Variants in ZNF317 observed in about 807,000 individuals in gnomAD.
ZNF317 encodes zinc finger protein 317, also known as KRAB-containing zinc finger protein 317.
A neutral mutation model predicts 23.4 loss-of-function variants in ZNF317; 17 were observed. That is an observed-to-expected ratio of 0.73 (90% CI 0.50 to 1.09). The LOEUF (loss-of-function observed/expected upper bound fraction) is 1.09, where lower values mean the gene tolerates loss of function less well. Ranked by LOEUF, ZNF317 falls within the 50% of genes least tolerant of loss-of-function variation. ZNF317 has a pLI of 0.00. For synonymous variants in ZNF317, 317 were observed against 314.9 expected (o/e 1.01, Z -0.07); for missense variants, 679 against 796.7 (o/e 0.85, Z 1.78).
rs924520687 is a variant in ZNF317, at chr19:9,159,559, T to G, written c.469-555T>G. Among the ~76,000 whole-genome samples the G allele has an allele frequency of 1.4e-4, 21 of 151,310 alleles. No homozygotes were observed. In the South Asian group the frequency reaches 2.3e-3, roughly 16 times the overall value. ...TTGTTGTTTTTGTTTTTTGTTTTTT[T>G]TTTTGAGGCACAGTCTTGCTCTTGT... On this transcript the variant is annotated intron_variant, in intron 6 of 6. Transcript: ENST00000247956.
At chr19:9,154,915 A>C (rs772592161) in intron 1 of ZNF317, among the ~76,000 whole-genome samples, 41 of 152,250 alleles carry the variant, frequency 2.7e-4, no homozygotes, top group Admixed American at 4.6e-4. Flanking sequence ...TTCTAGTTTT[A>C]ATTTGCATTT....
chr19:9,161,665 G>A lies in ZNF317; in HGVS notation c.*232G>A, dbSNP rs773399756. On this transcript the variant is annotated 3_prime_UTR_variant, in exon 7 of 7. Coordinates refer to ENST00000247956, the MANE Select transcript of ZNF317 (RefSeq NM_020933.5). This position sits in a 1 kb window ranked among gnomAD's most constrained non-coding sequence, Gnocchi z 4.0. ...CGTCTGTAGCATGGAGAAGCCTTCA[G>A]GGTACATTCAGCTCTTAACAAACAC... is the stretch of plus-strand genomic sequence containing the variant. 9.2e-6 allele frequency: 5 copies of A among 540,756 alleles called. No homozygotes were observed. The highest frequency in any genetic ancestry group is 1.6e-5 in the Non-Finnish European group (5 of 311,248). 33.5% of individuals were successfully genotyped at this position (540,756 alleles called of 1,614,324 possible). A position where few individuals can be genotyped will look rare whatever the true frequency, so the allele number is the denominator to read the frequency against.
At chr19:9,151,223 C>CT (rs1414853604) in intron 1 of ZNF317, among the ~76,000 whole-genome samples, 1 of 152,124 alleles carries the variant, frequency 6.6e-6, no homozygotes, top group East Asian at 1.9e-4. Context: ...GGCACAATGA[C>CT]TAGAAAAGGG....
Position 9,161,396 on chromosome 19 carries a change from A to G in ZNF317, c.1751A>G (p.Lys584Arg). 6.2e-7 allele frequency: 1 copy of G among 1,613,934 alleles called. No individual in the cohort carries two copies. The highest frequency in any genetic ancestry group is 8.5e-7 in the Non-Finnish European group (1 of 1,179,828). ...CACGTGAAAACTCACCGGGGAGAGA[A>G]GCTCTTTGTGTCATCCGTGTGGAAA... is the stretch of plus-strand genomic sequence containing the variant. Reference protein sequence around the residue: ...RSHVKTHRGEKLFVSSVWKRL... With the variant: ...RSHVKTHRGERLFVSSVWKRL... Residue 584 changes from lysine (K) to arginine (R), a missense_variant, in exon 7 of 7, where the codon AAG becomes AGG. Lys to Arg is a conservative substitution (Grantham distance 26). Coordinates refer to ENST00000247956, the MANE Select transcript of ZNF317 (RefSeq NM_020933.5). The surrounding 1 kb of genome is among the most constrained non-coding windows in gnomAD (Gnocchi z 4.0).
In ZNF317 at chr19:9,160,720, G is replaced by C. The variant is rs1235407840; in HGVS notation, c.1075G>C (p.Glu359Gln). ...LKEHVRNHTG[E>Q]KPYACTQCGK... Reference sequence around the variant, plus strand: ...AGAGCACGTGAGGAATCACACGGGGGAGAAGCCCTACGCGTGCACGCAGTG... The same window carrying C: ...AGAGCACGTGAGGAATCACACGGGGCAGAAGCCCTACGCGTGCACGCAGTG... The change falls in exon 7 of 7, where the codon GAG becomes CAG. Residue 359 changes from glutamate to glutamine, a missense_variant. Transcript: ENST00000247956. The surrounding 1 kb of genome is among the most constrained non-coding windows in gnomAD (Gnocchi z 6.8). 6.2e-7 allele frequency: 1 copy of C among 1,614,068 alleles called. No homozygotes were observed. The highest frequency in any genetic ancestry group is 8.5e-7 in the Non-Finnish European group (1 of 1,180,040).
At position 9,157,695 on chromosome 19, in the gene ZNF317, T is replaced by TAA. The variant is rs1568314570; in HGVS notation, c.290-285_290-284insAA. The TAA allele has an allele frequency of 9.0e-5, 44 of 487,100 alleles. No individual in the cohort carries two copies. In the African/African-American group the frequency reaches 9.1e-4, roughly 10 times the overall value. 30.2% of individuals were successfully genotyped at this position (487,100 alleles called of 1,614,324 possible). ...ATTTCCTATTTCTTTTTTTTTTTTTTTTTTTTTATTTTTGGTGATGAAGGG... is the reference window on the plus strand; with the variant it reads ...ATTTCCTATTTCTTTTTTTTTTTTTTAATTTTTTTATTTTTGGTGATGAAGGG... On this transcript the variant is annotated intron_variant, in intron 4 of 6. Transcript: ENST00000247956.
chr19:9,142,789 AATTTGGAAAGGACATGTTACT>A (rs77100852), intron 1 of ZNF317, among the ~76,000 whole-genome samples: 75,762 of 151,648 alleles, frequency 0.5, 21,100 homozygotes, highest in African/African-American at 0.77. Context: ...ATTGGTAAAT[AATTTGGAAAGGACATGTTACT>A]ATTTGTTACT....
chr19:9,157,973 A>G lies in ZNF317; in HGVS notation c.290-7A>G, dbSNP rs774947645. On this transcript the variant is annotated splice_polypyrimidine_tract_variant and splice_region_variant and intron_variant, in intron 4 of 6. Transcript: ENST00000247956. ...TCCCTCAACCTGTGTCTTTCCCGTGAGTGTAGGGTATCAGGTCGGCAAACC... is the reference window on the plus strand; with the variant it reads ...TCCCTCAACCTGTGTCTTTCCCGTGGGTGTAGGGTATCAGGTCGGCAAACC... 3 of 1,550,792 alleles carry G rather than the reference A, an allele frequency of 1.9e-6. No individual in the cohort carries two copies. The highest frequency in any genetic ancestry group is 2.6e-6 in the Non-Finnish European group (3 of 1,146,686).
At chr19:9,159,767 G>A (rs1338904068) in intron 6 of ZNF317, among the ~76,000 whole-genome samples, 2 of 151,778 alleles carry the variant, frequency 1.3e-5, no homozygotes, top group Non-Finnish European at 2.9e-5. Flanking sequence ...GGCTGGTCTC[G>A]AACTCCTGAC....
At chr19:9,140,731 C>T (rs2050621225) in intron 1 of ZNF317, 139 bp downstream of exon 1, 1 of 356,750 alleles carries the variant, frequency 2.8e-6, no homozygotes, top group Non-Finnish European at 5.5e-6. Context: ...GTTTAGATCT[C>T]GCGATCAGCG....
At chr19:9,153,476 G>A (rs138988841) in intron 1 of ZNF317, among the ~76,000 whole-genome samples, 2 of 152,150 alleles carry the variant, frequency 1.3e-5, no homozygotes, top group African/African-American at 4.8e-5. Flanking sequence ...ACTGGTTTTT[G>A]TATGAGATGT....
chr19:9,149,866 G>A (rs2050720954), intron 1 of ZNF317, among the ~76,000 whole-genome samples: 1 of 152,222 alleles, frequency 6.6e-6, no homozygotes, highest in Admixed American at 6.5e-5. Flanking sequence ...TTAGGAAGCA[G>A]TTGGAATGTT....
chr19:9,153,731 G>A (rs1230384991), intron 1 of ZNF317, among the ~76,000 whole-genome samples: 1 of 152,168 alleles, frequency 6.6e-6, no homozygotes, highest in Non-Finnish European at 1.5e-5. Flanking sequence ...AGTTGTAGAG[G>A]AGCCGAGAAT....
chr19:9,156,795 G>A lies in ZNF317; in HGVS notation c.162+47G>A, dbSNP rs772603416. 3.1e-6 allele frequency: 5 copies of A among 1,596,478 alleles called. No homozygotes were observed. In the South Asian group the frequency reaches 5.6e-5, roughly 18 times the overall value. On this transcript the variant is annotated intron_variant, in intron 3 of 6. Coordinates refer to ENST00000247956, the MANE Select transcript of ZNF317 (RefSeq NM_020933.5). The stretch of plus-strand genomic sequence containing the variant: ...CCTAGAGCAGGAGAGGCACTTCCTG[G>A]AAGACCCCACCAGTGCATGCTGGAA...
At chr19:9,143,739 T>TCCC (rs34153792) in intron 1 of ZNF317, among the ~76,000 whole-genome samples, 3 of 144,216 alleles carry the variant, frequency 2.1e-5, no homozygotes, top group African/African-American at 7.8e-5. Context: ...TAGAATTCTG[T>TCCC]CCCCCCTTTT....
chr19:9,143,152 T>G (rs1002055905), intron 1 of ZNF317, among the ~76,000 whole-genome samples: 6 of 152,164 alleles, frequency 3.9e-5, no homozygotes, highest in African/African-American at 1.4e-4. Flanking sequence ...CCATCTGAGG[T>G]TTAAATCGTA....
Position 9,157,328 on chromosome 19 carries a change from G to A in ZNF317, c.223G>A (p.Asp75Asn), listed in dbSNP as rs1211674222. ...DFTEKEWPLL[D>N]SSQRKLYKDV... ...TACCGAGAAGGAGTGGCCCTTGCTGGATTCTTCTCAGAGAAAACTGTACAA... is the reference window on the plus strand; with the variant it reads ...TACCGAGAAGGAGTGGCCCTTGCTGAATTCTTCTCAGAGAAAACTGTACAA... Residue 75 changes from aspartate to asparagine, a missense_variant, in exon 4 of 7, where the codon GAT (aspartate) becomes AAT (asparagine). Transcript: ENST00000247956. The A allele has an allele frequency of 6.2e-7, 1 of 1,614,058 alleles. No homozygotes were observed. Among genetic ancestry groups the A allele is most frequent in the Non-Finnish European group, 8.5e-7 (1 of 1,179,982 alleles).
rs749827912 is a variant in ZNF317, at chr19:9,161,288, A to G, written c.1643A>G (p.His548Arg). 3 of 1,613,802 alleles carry G rather than the reference A, an allele frequency of 1.9e-6. No individual in the cohort carries two copies. Among genetic ancestry groups the G allele is most frequent in the Non-Finnish European group, 2.5e-6 (3 of 1,179,796 alleles). ...AFSIGSNLNV[H>R]RRIHTGEKPY... ...AGCATAGGCTCCAACCTGAATGTGCACAGGCGGATCCACACCGGGGAGAAG... is the reference window on the plus strand; with the variant it reads ...AGCATAGGCTCCAACCTGAATGTGCGCAGGCGGATCCACACCGGGGAGAAG... Residue 548 changes from histidine (H) to arginine (R), a missense_variant, in exon 7 of 7, where the codon CAC becomes CGC. Transcript: ENST00000247956. The surrounding 1 kb of genome is among the most constrained non-coding windows in gnomAD (Gnocchi z 4.0).
chr19:9,160,490 A>T lies in ZNF317; in HGVS notation c.845A>T (p.Gln282Leu). The T allele has an allele frequency of 6.2e-7, 1 of 1,614,206 alleles. No individual in the cohort carries two copies. The highest frequency in any genetic ancestry group is 8.5e-7 in the Non-Finnish European group (1 of 1,180,044). Residue 282 changes from glutamine to leucine, a missense_variant, in exon 7 of 7, where the codon CAG (glutamine) becomes CTG (leucine). By Grantham distance (113) the Gln-to-Leu change is moderately radical. Transcript: ENST00000247956. The surrounding 1 kb of genome is among the most constrained non-coding windows in gnomAD (Gnocchi z 6.8). ...HLKEKPFDCS[Q>L]CGNAFRTLSA... The stretch of plus-strand genomic sequence containing the variant: ...AAAGAGAAGCCCTTTGACTGCAGTC[A>T]GTGTGGAAATGCATTCCGGACCCTC...
Sources: allele counts gnomAD v4.1 joint callset (sites outside exome capture counted in the v4.1 genomes callset), GRCh38; gene constraint gnomAD v4.1.1; non-coding constraint Gnocchi (gnomAD v3.1); transcripts MANE v1.5; gene names NCBI Gene and HGNC (gene_info 2026-07-23, HGNC 2026-07-21).